TF: variants seen among roughly 807,000 people sequenced by gnomAD.
TF encodes the protein serotransferrin.
A neutral mutation model predicts 82.4 loss-of-function variants in TF; 55 were observed. That is an observed-to-expected ratio of 0.67 (90% CI 0.54 to 0.84). TF has a LOEUF of 0.84. TF is among the 40% of genes least tolerant of loss of function. The probability of loss-of-function intolerance (pLI) is 0.00; values close to 1 mark genes in which losing one functional copy is unlikely to be tolerated. For synonymous variants in TF, 332 were observed against 332.6 expected, an observed-to-expected ratio of 1.00 and a Z score of 0.02; for missense variants, 737 against 868.4, an observed-to-expected ratio of 0.85 and a Z score of 1.90.
chr3:133,741,164 G>A (rs931957929), upstream of TF, among the ~76,000 whole-genome samples: 11 of 151,542 alleles, frequency 7.3e-5, no homozygotes, highest in East Asian at 3.9e-4. Flanking sequence ...GCTAATTTCT[G>A]TATTTTTAGT....
chr3:133,771,466 A>G (rs6794361), intron 14 of TF, among the ~76,000 whole-genome samples: 83,412 of 151,872 alleles, frequency 0.55, 23,369 homozygotes, highest in Non-Finnish European at 0.6. Flanking sequence ...AGCCGGGCGC[A>G]GTGGCTCACG....
rs1336957728 is a variant in TF, at chr3:133,786,334, T to G, written c.*7714T>G. The G allele has an allele frequency of 6.6e-6, 1 of 152,232 alleles. No individual in the cohort carries two copies. The highest frequency in any genetic ancestry group is 2.4e-5 in the African/African-American group (1 of 41,448). 9.4% of individuals were successfully genotyped at this position (152,232 alleles called of 1,614,324 possible). A position where few individuals can be genotyped will look rare whatever the true frequency, so the allele number is the denominator to read the frequency against. ...GTAAAATAACACATTTTGTAAATCTTTTTGTTAAAATTCATATGTAATGTT... is the reference window on the plus strand; with the variant it reads ...GTAAAATAACACATTTTGTAAATCTGTTTGTTAAAATTCATATGTAATGTT... On this transcript the variant is annotated 3_prime_UTR_variant, in exon 17 of 17. Transcript: ENST00000402696.
chr3:133,696,590 G>C, the TF span, among the ~76,000 whole-genome samples: 18 of 152,138 alleles, frequency 1.2e-4, no homozygotes, highest in Non-Finnish European at 2.2e-4. Context: ...AAAACAAGTT[G>C]TAATAATCAA....
intron 6 of TF, 114 bp from the exon 7 acceptor site, chr3:133,756,717 G>T (rs41295766): frequency 1.5e-6 from 2 of 1,343,948 alleles, no homozygotes; most frequent in Admixed American, 1.7e-5. Context: ...CTGGCCTTCA[G>T]TGCTCACTCC....
the TF span, among the ~76,000 whole-genome samples, chr3:133,722,499 C>CT: frequency 8.2e-3 from 1,247 of 152,054 alleles, 14 homozygotes; most frequent in African/African-American, 0.028. Flanking sequence ...CTTTATTCCT[C>CT]TTTTTTTGTT....
chr3:133,764,727 G>T, intron 10 of TF, 148 bp from the exon 11 acceptor site: 1 of 761,144 alleles, frequency 1.3e-6, no homozygotes. Context: ...GCATGATCCA[G>T]AGAGTCTGGA....
chr3:133,695,051 T>G, the TF span, among the ~76,000 whole-genome samples: 3 of 152,006 alleles, frequency 2.0e-5, no homozygotes, highest in Non-Finnish European at 2.9e-5. Flanking sequence ...TCAAAGGCCC[T>G]TCAGACAAAG....
At position 133,787,860 on chromosome 3, in the gene TF, G is replaced by C. The variant is rs1454936313; in HGVS notation, c.*9240G>C. 1 of 152,154 alleles carries C rather than the reference G, an allele frequency of 6.6e-6. No homozygotes were observed. Among genetic ancestry groups the C allele is most frequent in the Non-Finnish European group, 1.5e-5 (1 of 68,012 alleles). The allele number at this position is 152,154 out of a possible 1,614,324, so 9.4% of individuals were successfully genotyped here. On this transcript the variant is annotated 3_prime_UTR_variant, in exon 17 of 17. Coordinates refer to ENST00000402696, the MANE Select transcript of TF (RefSeq NM_001063.4). ...AGGTTGCCAATGTATGACAAAAATA[G>C]TAAAGTAACACATTTTGTACACTTT...
At chr3:133,748,316 T>C (rs1266892543) in intron 1 of TF, 96 bp from the exon 2 acceptor site, 1 of 1,437,344 alleles carries the variant, frequency 7.0e-7, no homozygotes, top group Non-Finnish European at 9.7e-7. Context: ...AGGACAGGAC[T>C]GAGGGGATGT....
At chr3:133,703,914 T>C in the TF span, among the ~76,000 whole-genome samples, 2 of 152,150 alleles carry the variant, frequency 1.3e-5, no homozygotes, top group African/African-American at 2.4e-5. Context: ...CTGGCCATGT[T>C]AATTGCTGGG....
intron 16 of TF, chr3:133,777,508 A>T (rs1934426141): frequency 2.2e-6 from 1 of 463,720 alleles, no homozygotes; most frequent in African/African-American, 2.0e-5. Context: ...GACTGGGTTT[A>T]TGTGTACATG....
rs1295257707 is a variant in TF at position 133,782,406 on chromosome 3, GGATA to G, written c.*3787_*3790del. The stretch of plus-strand genomic sequence containing the variant: ...CCTAAATGCCTGTTGAAGAATGAAT[GGATA>G]AAGAAACTGTATACACACACACACA... On this transcript the variant is annotated 3_prime_UTR_variant, in exon 17 of 17. Coordinates refer to ENST00000402696, the MANE Select transcript of TF (RefSeq NM_001063.4). 10 of 148,130 alleles carry G rather than the reference GGATA, an allele frequency of 6.8e-5. No homozygotes were observed. The highest frequency in any genetic ancestry group is 6.7e-4 in the Admixed American group (10 of 14,952). The allele number at this position is 148,130 out of a possible 1,614,324, so 9.2% of individuals were successfully genotyped here.
At chr3:133,667,033 C>T in the TF span, among the ~76,000 whole-genome samples, 1 of 146,934 alleles carries the variant, frequency 6.8e-6, no homozygotes, top group African/African-American at 2.5e-5. Context: ...GAGACACTGT[C>T]TCAGAAAAAG....
chr3:133,756,686 A>T, intron 6 of TF, 145 bp from the exon 7 acceptor site: 2 of 1,015,396 alleles, frequency 2.0e-6, no homozygotes, highest in Non-Finnish European at 3.0e-6. Flanking sequence ...CTCTTGAGCG[A>T]GTCATTCTCC....
the TF span, among the ~76,000 whole-genome samples, chr3:133,738,188 A>G: frequency 1.3e-5 from 2 of 152,244 alleles, no homozygotes; most frequent in Non-Finnish European, 2.9e-5. Flanking sequence ...CATCCATCAC[A>G]TAAACAGAAC....
chr3:133,766,241 G>A (rs1203639135), intron 11 of TF, 37 bp from the exon 12 acceptor site: 1 of 1,607,348 alleles, frequency 6.2e-7, no homozygotes, highest in South Asian at 1.1e-5. Flanking sequence ...AAGCCCCAGA[G>A]GTGTTAATAC....
At chr3:133,718,069 G>T in the TF span, among the ~76,000 whole-genome samples, 1 of 152,184 alleles carries the variant, frequency 6.6e-6, no homozygotes, top group African/African-American at 2.4e-5. Context: ...ATGGGCAAGG[G>T]TCCAGGAGAG....
chr3:133,727,290 A>G, the TF span, among the ~76,000 whole-genome samples: 12 of 151,788 alleles, frequency 7.9e-5, no homozygotes, highest in African/African-American at 2.7e-4. Flanking sequence ...GTGGGAGTCT[A>G]AGTTTCTTTG....
the TF span, among the ~76,000 whole-genome samples, chr3:133,715,189 C>T: frequency 5.9e-5 from 9 of 152,326 alleles, no homozygotes; most frequent in African/African-American, 2.2e-4. Context: ...CTCCCACTAC[C>T]CCATTTCTCC....
Sources: allele counts gnomAD v4.1 joint callset (sites outside exome capture counted in the v4.1 genomes callset), GRCh38; gene constraint gnomAD v4.1.1; transcripts MANE v1.5; gene names NCBI Gene and HGNC (gene_info 2026-07-23, HGNC 2026-07-21).